The following ADAM23 variants were observed in gnomAD, a reference collection of about 807,000 sequenced individuals.
ADAM23 encodes the protein disintegrin and metalloproteinase domain-containing protein 23.
A neutral mutation model predicts 120.1 loss-of-function variants in ADAM23; 33 were observed. The observed-to-expected ratio is 0.27, with a 90% CI of 0.21 to 0.37. The LOEUF is 0.37. Among genes scored for constraint, ADAM23 ranks in the 10% least tolerant of loss-of-function variants. The probability of loss-of-function intolerance (pLI) is 1.00; values close to 1 mark genes in which losing one functional copy is unlikely to be tolerated. For missense variants in ADAM23, 862 were observed against 1,058.2 expected, an observed-to-expected ratio of 0.81 and a Z score of 2.57; for synonymous variants, 367 against 375.2, an observed-to-expected ratio of 0.98 and a Z score of 0.25.
Position 206,486,734 on chromosome 2 carries a change from C to T in ADAM23, c.509+5426C>T, listed in dbSNP as rs1297339735. Among the ~76,000 whole-genome samples, 5 of 152,050 alleles carry T rather than the reference C, an allele frequency of 3.3e-5. No homozygotes were observed. The East Asian group carries it at 5.8e-4, about 18-fold the overall frequency. ...TCTCTTCTACCACCTCCACCACGAC[C>T]GTCATCACCTATCATAAAACTCACT... On this transcript the variant is annotated intron_variant, in intron 3 of 25. Coordinates refer to ENST00000264377, the MANE Select transcript of ADAM23 (RefSeq NM_003812.4).
In ADAM23 at chr2:206,530,966, G is replaced by T. The variant is rs372302919; in HGVS notation, c.573+18G>T. ...ACTCTAAGGTACGGTTACCGGCGTCGGCAAGTACTCTAGTATAAGTGTGCT... is the reference window on the plus strand; with the variant it reads ...ACTCTAAGGTACGGTTACCGGCGTCTGCAAGTACTCTAGTATAAGTGTGCT... On this transcript the variant is annotated intron_variant, in intron 4 of 25. Coordinates refer to ENST00000264377, the MANE Select transcript of ADAM23 (RefSeq NM_003812.4). 3.9e-5 allele frequency: 63 copies of T among 1,609,450 alleles called. No homozygotes were observed. The African/African-American group carries it at 7.3e-4, about 19-fold the overall frequency.
intron 2 of ADAM23, among the ~76,000 whole-genome samples, chr2:206,452,851 G>A (rs1183270525): frequency 2.6e-5 from 4 of 151,988 alleles, no homozygotes; most frequent in African/African-American, 7.3e-5. Flanking sequence ...ATAAATAGTC[G>A]CTGATTAAGT....
At chr2:206,605,204 A>G (rs778861463) in intron 24 of ADAM23, among the ~76,000 whole-genome samples, 22 of 152,244 alleles carry the variant, frequency 1.4e-4, no homozygotes, top group Non-Finnish European at 2.6e-4. Context: ...GAGACTACTA[A>G]TAAACAAAAA....
Position 206,443,793 on chromosome 2 carries a change from C to T in ADAM23, c.-74C>T. The T allele has an allele frequency of 1.0e-5, 9 of 890,446 alleles. No homozygotes were observed. Among genetic ancestry groups the T allele is most frequent in the Non-Finnish European group, 1.2e-5 (9 of 739,088 alleles). 55.2% of individuals were successfully genotyped at this position (890,446 alleles called of 1,614,324 possible). A position where few individuals can be genotyped will look rare whatever the true frequency, so the allele number is the denominator to read the frequency against. On this transcript the variant is annotated 5_prime_UTR_variant, in exon 1 of 26. Coordinates refer to ENST00000264377, the MANE Select transcript of ADAM23 (RefSeq NM_003812.4). ...GCGCGCCGAGCCGGCGTGACCGGCTCCGCCCGCGGCCGCCCCGCAGCTAGC... is the reference window on the plus strand; with the variant it reads ...GCGCGCCGAGCCGGCGTGACCGGCTTCGCCCGCGGCCGCCCCGCAGCTAGC...
At chr2:206,474,664 A>G (rs1055946496) in intron 2 of ADAM23, among the ~76,000 whole-genome samples, 7 of 151,926 alleles carry the variant, frequency 4.6e-5, no homozygotes, top group African/African-American at 1.5e-4. Context: ...AGCCTCAAAC[A>G]CCTGGGCTCA....
At chr2:206,505,444 G>A (rs1031418621) in intron 3 of ADAM23, among the ~76,000 whole-genome samples, 3 of 152,192 alleles carry the variant, frequency 2.0e-5, no homozygotes, top group Non-Finnish European at 4.4e-5. Context: ...ATGGAGAAAA[G>A]AGGTTTAACT....
intron 18 of ADAM23, among the ~76,000 whole-genome samples, chr2:206,578,140 CT>C (rs1698153448): frequency 2.0e-5 from 3 of 151,708 alleles, no homozygotes; most frequent in African/African-American, 7.3e-5. Context: ...AGCAATATTG[CT>C]TTTGCATTAC....
At chr2:206,489,319 G>A (rs1696081042) in intron 3 of ADAM23, among the ~76,000 whole-genome samples, 1 of 152,148 alleles carries the variant, frequency 6.6e-6, no homozygotes, top group Non-Finnish European at 1.5e-5. Flanking sequence ...GCTCACTGCT[G>A]TCATTTCTCT....
At chr2:206,522,924 A>C (rs1696872813) in intron 3 of ADAM23, among the ~76,000 whole-genome samples, 1 of 152,164 alleles carries the variant, frequency 6.6e-6, no homozygotes, top group Admixed American at 6.6e-5. Flanking sequence ...GGTAGCCACA[A>C]CTAGAAATGT....
intron 7 of ADAM23, among the ~76,000 whole-genome samples, chr2:206,548,008 C>T (rs1697434137): frequency 6.6e-6 from 1 of 152,140 alleles, no homozygotes; most frequent in Admixed American, 6.6e-5. Context: ...TAGTAGAACT[C>T]TGTCAAATTT....
At chr2:206,594,134 C>A (rs1698475894) in intron 22 of ADAM23, among the ~76,000 whole-genome samples, 1 of 151,768 alleles carries the variant, frequency 6.6e-6, no homozygotes. Context: ...GCTATACCAT[C>A]CAAGTTTGTG....
chr2:206,614,449 G>T (rs1042620119), intron 25 of ADAM23, among the ~76,000 whole-genome samples: 1 of 151,714 alleles, frequency 6.6e-6, no homozygotes, highest in Non-Finnish European at 1.5e-5. Flanking sequence ...GAGGACAGGA[G>T]TTCGAGACCA....
chr2:206,588,427 G>A (rs745752619), intron 20 of ADAM23, among the ~76,000 whole-genome samples: 1 of 152,188 alleles, frequency 6.6e-6, no homozygotes, highest in Admixed American at 6.5e-5. Context: ...ATTGGGTTGA[G>A]TACAGTGTGA....
At chr2:206,487,079 T>G (rs1696028745) in intron 3 of ADAM23, among the ~76,000 whole-genome samples, 1 of 152,240 alleles carries the variant, frequency 6.6e-6, no homozygotes, top group Non-Finnish European at 1.5e-5. Context: ...CTTCTTAAGC[T>G]TTAGTTTCCT....
chr2:206,537,044 A>T (rs910717838), intron 4 of ADAM23, among the ~76,000 whole-genome samples: 2 of 152,070 alleles, frequency 1.3e-5, no homozygotes, highest in African/African-American at 4.8e-5. Flanking sequence ...AAGCAGAAAA[A>T]ATATTGATTT....
chr2:206,565,163 G>T, intron 14 of ADAM23, 95 bp downstream of exon 14: 1 of 1,041,164 alleles, frequency 9.6e-7, no homozygotes, highest in Non-Finnish European at 1.5e-6. Context: ...GGTCTTTTAG[G>T]CTAAGCACAA....
chr2:206,564,174 C>G (rs1271945277), intron 13 of ADAM23, among the ~76,000 whole-genome samples: 1 of 151,724 alleles, frequency 6.6e-6, no homozygotes, highest in African/African-American at 2.4e-5. Context: ...AGATGTATAC[C>G]TCTCTCTATA....
intron 9 of ADAM23, 136 bp from the exon 10 acceptor site, chr2:206,557,291 C>T (rs1697665355): frequency 2.9e-6 from 2 of 701,648 alleles, no homozygotes; most frequent in East Asian, 5.8e-5. Context: ...CCACCAAATC[C>T]AGTATACCAC....
At chr2:206,466,774 T>G (rs1695549421) in intron 2 of ADAM23, among the ~76,000 whole-genome samples, 1 of 152,208 alleles carries the variant, frequency 6.6e-6, no homozygotes, top group South Asian at 2.1e-4. Flanking sequence ...TTTAAACAAC[T>G]AAATCTCATG....
Sources: allele counts gnomAD v4.1 joint callset (sites outside exome capture counted in the v4.1 genomes callset), GRCh38; gene constraint gnomAD v4.1.1; transcripts MANE v1.5; gene names NCBI Gene and HGNC (gene_info 2026-07-23, HGNC 2026-07-21).